Variants in TASOR observed in about 807,000 individuals in gnomAD.
The protein encoded by TASOR is transcription activation suppressor.
A neutral mutation model predicts 178.6 loss-of-function variants in TASOR; 53 were observed. The observed-to-expected ratio is 0.30, with a 90% CI of 0.24 to 0.37. TASOR has a LOEUF of 0.37. Among genes scored for constraint, TASOR ranks in the 10% least tolerant of loss-of-function variants. The pLI is 1.00. For missense variants in TASOR, 1,815 were observed against 1,971.4 expected (o/e 0.92, Z 1.50); for synonymous variants, 713 against 696.2 (o/e 1.02, Z -0.38).
chr3:56,642,945 C>T (rs189369844), intron 14 of TASOR, among the ~76,000 whole-genome samples: 2 of 152,042 alleles, frequency 1.3e-5, no homozygotes, highest in East Asian at 3.9e-4. Flanking sequence ...CACTGCACTC[C>T]AGCCTGGGCA....
chr3:56,640,843 T>G (rs1345484478), intron 15 of TASOR, among the ~76,000 whole-genome samples: 1 of 152,154 alleles, frequency 6.6e-6, no homozygotes, highest in South Asian at 2.1e-4. Context: ...TACTGGACAC[T>G]CTAATAAGCA....
chr3:56,654,673 T>G (rs1402255236), intron 11 of TASOR, among the ~76,000 whole-genome samples: 1 of 152,140 alleles, frequency 6.6e-6, no homozygotes, highest in Non-Finnish European at 1.5e-5. Flanking sequence ...TCCAATCAGC[T>G]GAAGGCCTAA....
chr3:56,673,648 G>A lies in TASOR; in HGVS notation c.409C>T (p.Pro137Ser), dbSNP rs1227872479. ...TAGTTAAAATTTGTTACTGAGGTTG[G>A]TTCAAGGTAAGAAGAATGGAGAATA... ...VNILHSSYLE[P>S]TSVTNFNYRR... The change falls in exon 2 of 24, where the codon CCA (proline) becomes TCA (serine). Residue 137 changes from proline (P) to serine (S), a missense_variant. This residue lies in a region of TASOR where 244 missense variants were observed against 202.7 expected (regional missense o/e 1.20). Coordinates refer to ENST00000683822, the MANE Select transcript of TASOR (RefSeq NM_001365635.2). 2 of 1,551,098 alleles carry A rather than the reference G, an allele frequency of 1.3e-6. No homozygotes were observed. The highest frequency in any genetic ancestry group is 2.7e-5 in the African/African-American group (2 of 72,956).
rs1464780202 is a variant in TASOR, at chr3:56,647,216, T to A, written c.1521A>T (p.Lys507Asn). ...QEPRSIVTSQ[K>N]GSTNAAPQER... ...CCTGTGGTGCTGCATTGGTTGAACC[T>A]TTTTGTGCTGTAAATAAAACAAACA... Residue 507 changes from lysine (K) to asparagine (N), a missense_variant, in exon 14 of 24, where the codon AAA (lysine) becomes AAT (asparagine). Transcript: ENST00000683822. The A allele has an allele frequency of 6.5e-7, 1 of 1,527,890 alleles. No homozygotes were observed. The highest frequency in any genetic ancestry group is 1.4e-5 in the African/African-American group (1 of 71,768). 94.6% of individuals were successfully genotyped at this position (1,527,890 alleles called of 1,614,324 possible).
intron 14 of TASOR, among the ~76,000 whole-genome samples, chr3:56,644,372 T>C (rs542227711): frequency 1.2e-4 from 18 of 152,248 alleles, no homozygotes; most frequent in African/African-American, 4.3e-4. Context: ...TCAGCACAGA[T>C]TGCAAATCCA....
intron 11 of TASOR, among the ~76,000 whole-genome samples, chr3:56,657,909 T>A (rs974320286): frequency 1.2e-4 from 19 of 152,206 alleles, no homozygotes; most frequent in Admixed American, 3.3e-4. Flanking sequence ...ATCTTTTACC[T>A]ATGTAGTATG....
chr3:56,647,147 A>T lies in TASOR; in HGVS notation c.1590T>A (p.Phe530Leu), dbSNP rs1394255936. Residue 530 changes from phenylalanine (F) to leucine (L), a missense_variant, in exon 14 of 24, where the codon TTT becomes TTA. Around this residue, in one of 5 missense-constraint regions of TASOR, gnomAD observed 504 missense variants for 645.3 expected, o/e 0.78. Transcript: ENST00000683822. ...SMPDVLKIAQ[F>L]LQFSLIQCRK... ...GACACTGAATCAAAGAAAATTGTAA[A>T]AACTGAGCTATTTTTAATACATCTG... 1.9e-6 allele frequency: 3 copies of T among 1,602,630 alleles called. No individual in the cohort carries two copies.
chr3:56,663,857 CT>C (rs1342518499), intron 7 of TASOR: 1 of 993,186 alleles, frequency 1.0e-6, no homozygotes, highest in African/African-American at 1.7e-5. Flanking sequence ...ACCAAAGTCT[CT>C]TGTCAATTAT....
chr3:56,680,155 C>G (rs1559858898), intron 1 of TASOR, among the ~76,000 whole-genome samples: 1 of 152,124 alleles, frequency 6.6e-6, no homozygotes, highest in Non-Finnish European at 1.5e-5. Flanking sequence ...TAAAAGTACT[C>G]TACAACTACC....
Position 56,682,778 on chromosome 3 carries a change from A to G in TASOR, c.229T>C (p.Ser77Pro), listed in dbSNP as rs1192281357. The G allele has an allele frequency of 5.2e-6, 8 of 1,549,530 alleles. No individual in the cohort carries two copies. Among genetic ancestry groups the G allele is most frequent in the Non-Finnish European group, 7.0e-6 (8 of 1,145,822 alleles). ...AGGGCGGCCGCGCCCGCCTCAGAGGAGTCCTGAGGCTGCTCGTGGCTGAGG... is the reference window on the plus strand; with the variant it reads ...AGGGCGGCCGCGCCCGCCTCAGAGGGGTCCTGAGGCTGCTCGTGGCTGAGG... ...QSLSHEQPQD[S>P]SEAGAAALPR... Residue 77 changes from serine to proline, a missense_variant, in exon 1 of 24, where the codon TCC becomes CCC. By Grantham distance (74) the Ser-to-Pro change is moderately conservative. Coordinates refer to ENST00000683822, the MANE Select transcript of TASOR (RefSeq NM_001365635.2).
chr3:56,650,680 G>A (rs1292375879), intron 11 of TASOR, among the ~76,000 whole-genome samples: 1 of 152,150 alleles, frequency 6.6e-6, no homozygotes, highest in Non-Finnish European at 1.5e-5. Context: ...CTGTGCTGAG[G>A]TGGCCTTGTT....
intron 1 of TASOR, among the ~76,000 whole-genome samples, chr3:56,681,881 G>T (rs2031826444): frequency 6.6e-6 from 1 of 152,078 alleles, no homozygotes; most frequent in African/African-American, 2.4e-5. Flanking sequence ...CAAAAACTAA[G>T]ACTGGACTTT....
At chr3:56,649,416 T>C (rs1474706667) in intron 11 of TASOR, among the ~76,000 whole-genome samples, 1 of 152,226 alleles carries the variant, frequency 6.6e-6, no homozygotes, top group Non-Finnish European at 1.5e-5. Flanking sequence ...GGTAATGTGC[T>C]AGATGCTAGA....
chr3:56,674,203 A>T (rs967176013), intron 1 of TASOR, among the ~76,000 whole-genome samples: 4 of 57,166 alleles, frequency 7.0e-5, no homozygotes, highest in African/African-American at 3.5e-4. Flanking sequence ...TTTAAGTTTA[A>T]AAAAAAAAAA....
At chr3:56,641,282 A>G in intron 15 of TASOR, 67 bp downstream of exon 15, 1 of 1,436,568 alleles carries the variant, frequency 7.0e-7, no homozygotes, top group Non-Finnish European at 9.4e-7. Flanking sequence ...TCCCTGAAGC[A>G]TACTCACAGC....
chr3:56,660,839 C>T lies in TASOR; in HGVS notation c.1265-5G>A, dbSNP rs773419840. 13 of 1,612,808 alleles carry T rather than the reference C, an allele frequency of 8.1e-6. No individual in the cohort carries two copies. Among genetic ancestry groups the T allele is most frequent in the Non-Finnish European group, 1.1e-5 (13 of 1,179,570 alleles). ...AATACATTCCATTCTTCAAAACTGA[C>T]ATAAGAAAAATACATAGTAAATATC... On this transcript the variant is annotated splice_polypyrimidine_tract_variant and splice_region_variant and intron_variant, in intron 10 of 23. Coordinates refer to ENST00000683822, the MANE Select transcript of TASOR (RefSeq NM_001365635.2).
chr3:56,671,646 T>A lies in TASOR; in HGVS notation c.524A>T (p.Lys175Met). The A allele has an allele frequency of 6.5e-7, 1 of 1,550,018 alleles. No homozygotes were observed. Among genetic ancestry groups the A allele is most frequent in the Non-Finnish European group, 8.7e-7 (1 of 1,146,152 alleles). ...AAATGCATAGGATTCTGAAAGTTCC[T>A]TATCTAAACGACCATCAAACTTCAG... ...RELKFDGRLD[K>M]ELSESYAFLM... The change falls in exon 3 of 24, where the codon AAG becomes ATG. Residue 175 changes from lysine to methionine, a missense_variant. Physicochemically the swap from Lys to Met is moderately conservative, Grantham distance 95. Transcript: ENST00000683822.
chr3:56,673,290 G>A (rs1278802739), intron 2 of TASOR, among the ~76,000 whole-genome samples: 1 of 151,908 alleles, frequency 6.6e-6, no homozygotes, highest in Non-Finnish European at 1.5e-5. Context: ...CAATTAGGCA[G>A]GTGCAGTGGC....
In TASOR at chr3:56,620,379, T is replaced by C. The variant is rs2076260210; in HGVS notation, c.*2658A>G. 1 of 153,032 alleles carries C rather than the reference T, an allele frequency of 6.5e-6. No homozygotes were observed. Among genetic ancestry groups the C allele is most frequent in the African/African-American group, 2.4e-5 (1 of 41,468 alleles). 9.5% of individuals were successfully genotyped at this position (153,032 alleles called of 1,614,324 possible). On this transcript the variant is annotated 3_prime_UTR_variant, in exon 24 of 24. Coordinates refer to ENST00000683822, the MANE Select transcript of TASOR (RefSeq NM_001365635.2). ...CCATACTACTTTTTCTCCCAAACTATTGTGACTTCTTTTTGCTCTCTGATT... is the reference window on the plus strand; with the variant it reads ...CCATACTACTTTTTCTCCCAAACTACTGTGACTTCTTTTTGCTCTCTGATT...
Sources: allele counts gnomAD v4.1 joint callset (sites outside exome capture counted in the v4.1 genomes callset), GRCh38; gene constraint gnomAD v4.1.1; regional missense constraint gnomAD v4.1.1; transcripts MANE v1.5; gene names NCBI Gene and HGNC (gene_info 2026-07-23, HGNC 2026-07-21).